ASB3: variants seen among roughly 807,000 people sequenced by gnomAD.
ASB3 encodes the protein ankyrin repeat and SOCS box protein 3.
In ASB3, 41 loss-of-function variants were observed where a neutral mutation model predicts 54.5. The ratio of observed to expected loss-of-function variants is 0.75; its 90% CI spans 0.59 to 0.98. ASB3 has a LOEUF of 0.98. Ranked by LOEUF, ASB3 falls within the 50% of genes least tolerant of loss-of-function variation. ASB3 has a pLI of 0.00. For missense variants in ASB3, 733 were observed against 620.0 expected (o/e 1.18, Z -1.94); for synonymous variants, 266 against 221.2 (o/e 1.20, Z -1.80).
chr2:53,709,722 TGA>T (rs1294226756), intron 7 of ASB3, among the ~76,000 whole-genome samples: 1 of 152,230 alleles, frequency 6.6e-6, no homozygotes, highest in Non-Finnish European at 1.5e-5. Flanking sequence ...AGATAATGTG[TGA>T]GACAGCTAGC....
chr2:53,702,480 T>C (rs1043378668), intron 7 of ASB3, among the ~76,000 whole-genome samples: 1 of 152,188 alleles, frequency 6.6e-6, no homozygotes, highest in African/African-American at 2.4e-5. Context: ...GTATTTCTCT[T>C]AACACTTCAA....
intron 1 of ASB3, chr2:53,772,076 G>C: frequency 1.7e-6 from 1 of 585,756 alleles, no homozygotes; most frequent in Non-Finnish European, 2.9e-6. Context: ...TGTATTTGTG[G>C]GTTTTTTTTG....
At chr2:53,686,939 C>T (rs1261857834) in intron 9 of ASB3, among the ~76,000 whole-genome samples, 4 of 152,128 alleles carry the variant, frequency 2.6e-5, no homozygotes, top group Admixed American at 6.5e-5. Context: ...AGGCTGGTCT[C>T]GAACTCCCAA....
intron 9 of ASB3, among the ~76,000 whole-genome samples, chr2:53,680,118 C>A (rs1668287640): frequency 1.3e-5 from 2 of 152,104 alleles, no homozygotes; most frequent in African/African-American, 4.8e-5. Flanking sequence ...TGCGTATGTA[C>A]CACATTTTCT....
At position 53,772,415 on chromosome 2, in the gene ASB3, C is replaced by T. The variant is rs185779344; in HGVS notation, c.-13-6830G>A. 2.5e-3 allele frequency among the ~76,000 whole-genome samples: 380 copies of T among 152,238 alleles called. 6 individuals are homozygous for T. The highest frequency in any genetic ancestry group is 2.6e-4 in the Non-Finnish European group (18 of 68,000). ...GGTCTCAATCTCCCGACCTCGTGAT[C>T]CGCCCGCCTTGGCCTCCCAAAGTGC... On this transcript the variant is annotated intron_variant, in intron 1 of 9. Transcript: ENST00000263634.
intron 9 of ASB3, among the ~76,000 whole-genome samples, chr2:53,688,352 C>T (rs1475018218): frequency 6.6e-6 from 1 of 152,218 alleles, no homozygotes; most frequent in Non-Finnish European, 1.5e-5. Flanking sequence ...TAACCACCAT[C>T]TCAAACATGA....
At chr2:53,679,284 C>T (rs1298812578) in intron 9 of ASB3, among the ~76,000 whole-genome samples, 1 of 152,216 alleles carries the variant, frequency 6.6e-6, no homozygotes, top group Non-Finnish European at 1.5e-5. Flanking sequence ...CTCTGCAAAT[C>T]TTTCAATGGT....
chr2:53,772,616 G>C (rs1674021433), intron 1 of ASB3, among the ~76,000 whole-genome samples: 1 of 151,482 alleles, frequency 6.6e-6, no homozygotes, highest in African/African-American at 2.4e-5. Context: ...TTTGCTACCA[G>C]TCTCATTTTC....
At chr2:53,744,299 G>C (rs1672102868) in intron 3 of ASB3, among the ~76,000 whole-genome samples, 2 of 150,014 alleles carry the variant, frequency 1.3e-5, no homozygotes, top group Admixed American at 6.7e-5. Flanking sequence ...CAGGAGAATG[G>C]CATGAACCCG....
chr2:53,784,159 T>C (rs1459264569), intron 1 of ASB3, among the ~76,000 whole-genome samples: 2 of 152,260 alleles, frequency 1.3e-5, no homozygotes, highest in Admixed American at 1.3e-4. Flanking sequence ...CGAATGATGA[T>C]TGTATAATTA....
intron 9 of ASB3, among the ~76,000 whole-genome samples, chr2:53,682,717 TC>T (rs1488707770): frequency 2.0e-5 from 3 of 152,140 alleles, no homozygotes; most frequent in Non-Finnish European, 4.4e-5. Context: ...CCTCAGGTGA[TC>T]CACCCACCTC....
At chr2:53,707,979 A>G (rs1170452142) in intron 7 of ASB3, among the ~76,000 whole-genome samples, 1 of 147,136 alleles carries the variant, frequency 6.8e-6, no homozygotes, top group Non-Finnish European at 1.5e-5. Flanking sequence ...AAAAAAAAAG[A>G]AAGAAAGAAA....
chr2:53,759,859 G>A (rs1463035177), intron 2 of ASB3, among the ~76,000 whole-genome samples: 1 of 152,154 alleles, frequency 6.6e-6, no homozygotes, highest in African/African-American at 2.4e-5. Context: ...GACTGAGGGT[G>A]TCCGGGGCAA....
chr2:53,766,228 G>C (rs1447842857), intron 1 of ASB3, among the ~76,000 whole-genome samples: 1 of 152,080 alleles, frequency 6.6e-6, no homozygotes, highest in African/African-American at 2.4e-5. Flanking sequence ...GATGAGCCCG[G>C]TTTTCCTACA....
chr2:53,731,082 CT>C (rs1357879000), intron 3 of ASB3, among the ~76,000 whole-genome samples: 1 of 152,118 alleles, frequency 6.6e-6, no homozygotes, highest in African/African-American at 2.4e-5. Context: ...CTTATTTCCC[CT>C]ATAAGACACT....
At chr2:53,721,277 G>T (rs1402873367) in intron 5 of ASB3, among the ~76,000 whole-genome samples, 1 of 151,446 alleles carries the variant, frequency 6.6e-6, no homozygotes. Context: ...GCTCTTGGCT[G>T]GGCACAGTGG....
chr2:53,746,450 C>G (rs1672228135), intron 3 of ASB3, among the ~76,000 whole-genome samples: 1 of 151,568 alleles, frequency 6.6e-6, no homozygotes, highest in Non-Finnish European at 1.5e-5. Flanking sequence ...TATACATGCC[C>G]ATTCTTCCAC....
chr2:53,702,247 G>T (rs113277619), intron 7 of ASB3, among the ~76,000 whole-genome samples: 1 of 152,124 alleles, frequency 6.6e-6, no homozygotes, highest in African/African-American at 2.4e-5. Flanking sequence ...TTTGTTTGAA[G>T]AATAAAATAA....
At chr2:53,716,381 G>A (rs977152059) in intron 6 of ASB3, among the ~76,000 whole-genome samples, 185 bp downstream of exon 6, 5 of 152,108 alleles carry the variant, frequency 3.3e-5, no homozygotes, top group Non-Finnish European at 5.9e-5. Context: ...CAATATGAAA[G>A]TGCAGGAATA....
Sources: gnomAD v4.1 joint callset for allele counts (sites outside exome capture counted in the v4.1 genomes callset) on GRCh38, gnomAD v4.1.1 for gene constraint, MANE v1.5 for transcripts, NCBI Gene and HGNC (gene_info 2026-07-23, HGNC 2026-07-21) for gene names.